COL4A1: variants seen among roughly 807,000 people sequenced by gnomAD.
COL4A1 encodes the protein collagen type IV alpha 1 chain, also known as collagen alpha-1(IV) chain.
In COL4A1, 40 loss-of-function variants were observed where a neutral mutation model predicts 216.6. That is an observed-to-expected ratio of 0.18 (90% CI 0.14 to 0.24). The LOEUF is 0.24. Among genes scored for constraint, COL4A1 ranks in the 10% least tolerant of loss-of-function variants. The pLI is 1.00. For synonymous variants in COL4A1, 839 were observed against 810.7 expected (o/e 1.03, Z -0.59); for missense variants, 1,628 against 2,196.8 (o/e 0.74, Z 5.18).
At chr13:110,270,930 G>C (rs1175883812) in intron 1 of COL4A1, among the ~76,000 whole-genome samples, 1 of 152,208 alleles carries the variant, frequency 6.6e-6, no homozygotes, top group African/African-American at 2.4e-5. Context: ...AACAAAGTGA[G>C]CCTGGAACTT....
intron 2 of COL4A1, among the ~76,000 whole-genome samples, chr13:110,231,804 C>G (rs2139233001): frequency 6.6e-6 from 1 of 152,300 alleles, no homozygotes; most frequent in African/African-American, 2.4e-5. Flanking sequence ...CAAAATCAAG[C>G]ATGTCACCAC....
Position 110,171,938 on chromosome 13 carries a change from G to T in COL4A1, c.3556+782C>A, listed in dbSNP as rs138150274. On this transcript the variant is annotated intron_variant, in intron 41 of 51. Coordinates refer to ENST00000375820, the MANE Select transcript of COL4A1 (RefSeq NM_001845.6). ...CCAGGCCATCCTTCTCAACCCAGGG[G>T]TTCCCAGTGTCAGACTACATGCCTG... Among the ~76,000 whole-genome samples, 183 of 152,336 alleles carry T rather than the reference G, an allele frequency of 1.2e-3. 3 individuals are homozygous for T. The East Asian group carries it at 0.034, about 28-fold the overall frequency.
chr13:110,259,086 C>T (rs1882700413), intron 1 of COL4A1, among the ~76,000 whole-genome samples: 1 of 152,250 alleles, frequency 6.6e-6, no homozygotes, highest in Non-Finnish European at 1.5e-5. Flanking sequence ...AAAGCCATTT[C>T]TGACGCGTGC....
At chr13:110,186,245 C>T (rs1194475353) in intron 26 of COL4A1, 140 bp downstream of exon 26, 10 of 1,077,374 alleles carry the variant, frequency 9.3e-6, no homozygotes, top group Non-Finnish European at 1.4e-5. Flanking sequence ...TTGCCCAGGT[C>T]CTGCCCCAAT....
intron 1 of COL4A1, among the ~76,000 whole-genome samples, chr13:110,243,156 C>T (rs768145477): frequency 1.1e-4 from 17 of 151,728 alleles, no homozygotes; most frequent in African/African-American, 3.9e-4. Flanking sequence ...CTCCCAATGA[C>T]GTGGTCTCAA....
intron 1 of COL4A1, among the ~76,000 whole-genome samples, chr13:110,297,223 G>T (rs566840693): frequency 4.3e-4 from 65 of 152,280 alleles, no homozygotes; most frequent in African/African-American, 1.5e-3. Context: ...GAAGCTGCGG[G>T]GTGGGGGGGC....
chr13:110,306,249 CTTTGGTTTCAT>C (rs1884700978), intron 1 of COL4A1, among the ~76,000 whole-genome samples: 1 of 152,142 alleles, frequency 6.6e-6, no homozygotes, highest in South Asian at 2.1e-4. Context: ...TGGAGTTTCA[CTTTGGTTTCAT>C]GCTCAAATAT....
chr13:110,291,736 G>T (rs192958360), intron 1 of COL4A1, among the ~76,000 whole-genome samples: 1 of 152,142 alleles, frequency 6.6e-6, no homozygotes, highest in Non-Finnish European at 1.5e-5. Context: ...TTTACTTCTT[G>T]TCTCCCTCTT....
rs532721912 is a variant in COL4A1, at chr13:110,189,315, G to A, written c.1537-1986C>T. 1.2e-4 allele frequency among the ~76,000 whole-genome samples: 18 copies of A among 152,282 alleles called. No homozygotes were observed. The South Asian group carries it at 1.2e-3, about 11-fold the overall frequency. Reference sequence around the variant, plus strand: ...CGACCTCAGGTGATCCGCCCGCCTCGGCCTCCCAAAGTGCTGGGATTTCAG... The same window carrying A: ...CGACCTCAGGTGATCCGCCCGCCTCAGCCTCCCAAAGTGCTGGGATTTCAG... On this transcript the variant is annotated intron_variant, in intron 24 of 51. Transcript: ENST00000375820.
At chr13:110,183,863 T>C (rs564179277) in intron 26 of COL4A1, among the ~76,000 whole-genome samples, 1 of 152,272 alleles carries the variant, frequency 6.6e-6, no homozygotes, top group East Asian at 1.9e-4. Flanking sequence ...TGGGCACTCA[T>C]GCCTAGGAGA....
At chr13:110,300,831 T>C (rs1423841369) in intron 1 of COL4A1, among the ~76,000 whole-genome samples, 1 of 152,350 alleles carries the variant, frequency 6.6e-6, no homozygotes, top group East Asian at 1.9e-4. Context: ...AGCTCTCCTT[T>C]ATCAGGTAAG....
chr13:110,186,318 A>G, intron 26 of COL4A1, 67 bp downstream of exon 26: 1 of 1,601,562 alleles, frequency 6.2e-7, no homozygotes, highest in Non-Finnish European at 8.5e-7. Flanking sequence ...CTCTGTGTGC[A>G]CCCGAGGTGC....
At chr13:110,289,910 G>A (rs776081660) in intron 1 of COL4A1, among the ~76,000 whole-genome samples, 2 of 152,188 alleles carry the variant, frequency 1.3e-5, no homozygotes, top group Non-Finnish European at 2.9e-5. Flanking sequence ...ATGAGGGTCA[G>A]CGCTTCACCC....
chr13:110,306,807 G>T, intron 1 of COL4A1, 137 bp downstream of exon 1: 1 of 730,792 alleles, frequency 1.4e-6, no homozygotes, highest in Non-Finnish European at 2.0e-6. Context: ...ACGAACCCCG[G>T]CCCAGAGAAT....
At chr13:110,247,592 G>C (rs1392338095) in intron 1 of COL4A1, among the ~76,000 whole-genome samples, 3 of 152,132 alleles carry the variant, frequency 2.0e-5, no homozygotes, top group Non-Finnish European at 2.9e-5. Flanking sequence ...AAAGAAGAAA[G>C]GGGAGGAAGA....
intron 18 of COL4A1, 121 bp from the exon 19 acceptor site, chr13:110,201,643 A>C (rs759115675): frequency 1.1e-6 from 1 of 913,946 alleles, no homozygotes; most frequent in Non-Finnish European, 1.8e-6. Context: ...ATGAAAGTGA[A>C]GTAGCAGCAA....
At chr13:110,206,175 T>C (rs371847314) in intron 15 of COL4A1, among the ~76,000 whole-genome samples, 2 of 152,272 alleles carry the variant, frequency 1.3e-5, no homozygotes, top group African/African-American at 4.8e-5. Context: ...TGCAAGCTTA[T>C]GCAAATGCTT....
chr13:110,208,763 G>C, intron 12 of COL4A1, 86 bp downstream of exon 12: 2 of 1,242,706 alleles, frequency 1.6e-6, no homozygotes, highest in Non-Finnish European at 2.4e-6. Context: ...ACTTGTAAGA[G>C]TCCAGACATT....
chr13:110,170,513 T>C, intron 42 of COL4A1, 34 bp downstream of exon 42: 1 of 1,567,842 alleles, frequency 6.4e-7, no homozygotes, highest in Admixed American at 1.9e-5. Context: ...TCTGTCCCAG[T>C]CCTCAGCCCT....
Sources: allele counts gnomAD v4.1 joint callset (sites outside exome capture counted in the v4.1 genomes callset), GRCh38; gene constraint gnomAD v4.1.1; transcripts MANE v1.5; gene names NCBI Gene and HGNC (gene_info 2026-07-23, HGNC 2026-07-21).